Variants in SLC6A18 observed in about 807,000 individuals in gnomAD.
The protein encoded by SLC6A18 is inactive sodium-dependent neutral amino acid transporter B(0)AT3.
Under a neutral mutation model 62.9 loss-of-function variants are expected in SLC6A18, and 58 were observed. That is an observed-to-expected ratio of 0.92 (90% CI 0.75 to 1.15). SLC6A18 has a LOEUF of 1.15. Ranked by LOEUF, SLC6A18 falls within the 50% of genes most tolerant of loss-of-function variation. The probability of loss-of-function intolerance (pLI) is 0.00; values close to 1 mark genes in which losing one functional copy is unlikely to be tolerated. For synonymous variants in SLC6A18, 382 were observed against 365.8 expected (o/e 1.04, Z -0.51); for missense variants, 793 against 836.6 (o/e 0.95, Z 0.64).
chr5:1,233,759 T>TTTTTTTTTTTTTTG, intron 3 of SLC6A18, among the ~76,000 whole-genome samples: 1 of 151,298 alleles, frequency 6.6e-6, no homozygotes. Context: ...ATTTTTTTTT[T>TTTTTTTTTTTTTTG]GAGACGGAGT....
intron 6 of SLC6A18, 52 bp from the exon 7 acceptor site, chr5:1,240,479 G>A: frequency 6.2e-7 from 1 of 1,607,164 alleles, no homozygotes; most frequent in South Asian, 1.1e-5. Flanking sequence ...TCCCCTGGAT[G>A]AGGCCCAGTT....
chr5:1,242,862 A>G lies in SLC6A18; in HGVS notation c.1130A>G (p.Lys377Arg). The change falls in exon 8 of 12, where the codon AAG becomes AGG. Residue 377 changes from lysine (K) to arginine (R), a missense_variant and splice_region_variant. Physicochemically the swap from Lys to Arg is conservative, Grantham distance 26. Coordinates refer to ENST00000324642, the MANE Select transcript of SLC6A18 (RefSeq NM_182632.3). ...TGCCTCCTGGAAGACTTTCTGGATA[A>G]GGTACCTGCACACCCCCTGGGGTAG... ...KACLLEDFLD[K>R]SASGPGLAFV... 1 of 1,607,948 alleles carries G rather than the reference A, an allele frequency of 6.2e-7. No individual in the cohort carries two copies. Among genetic ancestry groups the G allele is most frequent in the Non-Finnish European group, 8.5e-7 (1 of 1,176,570 alleles).
intron 4 of SLC6A18, among the ~76,000 whole-genome samples, chr5:1,237,685 C>T (rs1746920730): frequency 6.6e-6 from 1 of 152,172 alleles, no homozygotes; most frequent in African/African-American, 2.4e-5. Context: ...GCCTGAGTCT[C>T]CCAGACAGCC....
rs779752482 is a variant in SLC6A18, at chr5:1,245,947, G to C, written c.1756G>C (p.Ala586Pro). The C allele has an allele frequency of 1.2e-6, 2 of 1,602,774 alleles. No homozygotes were observed. The highest frequency in any genetic ancestry group is 3.3e-5 in the Admixed American group (2 of 59,926). The part of the protein sequence containing the change: ...LLPVLWVPVA[A>P]LAQLLTRRRR... ...GCCCGTGCTGTGGGTCCCGGTGGCC[G>C]CGCTTGCTCAGCTGCTCACCCGGCG... is the stretch of plus-strand genomic sequence containing the variant. The change falls in exon 12 of 12, where the codon GCG becomes CCG. Residue 586 changes from alanine (A) to proline (P), a missense_variant. By Grantham distance (27) the Ala-to-Pro change is conservative (BLOSUM62 -1). Transcript: ENST00000324642.
chr5:1,235,593 C>A lies in SLC6A18; in HGVS notation c.552C>A (p.Leu184=). The change falls in exon 4 of 12, where the codon CTC becomes CTA. Residue 184 remains leucine (L), a synonymous_variant. Transcript: ENST00000324642. The part of the protein sequence containing the change: ...NDSGSIQWWL[L]ICLAASWAVV... ...GTGGCTCCATCCAGTGGTGGCTGCT[C>A]ATCTGCTTGGCAGCCTCCTGGGCAG... 1.2e-6 allele frequency: 2 copies of A among 1,614,038 alleles called. No individual in the cohort carries two copies. The highest frequency in any genetic ancestry group is 2.2e-5 in the South Asian group (2 of 91,064).
At chr5:1,227,709 T>C (rs1469547219) in intron 1 of SLC6A18, among the ~76,000 whole-genome samples, 1 of 152,254 alleles carries the variant, frequency 6.6e-6, no homozygotes, top group African/African-American at 2.4e-5. Context: ...TAACAGAATG[T>C]AGCAAAACGT....
At chr5:1,233,661 G>A (rs1746796891) in intron 3 of SLC6A18, among the ~76,000 whole-genome samples, 1 of 148,468 alleles carries the variant, frequency 6.7e-6, no homozygotes, top group South Asian at 2.1e-4. Context: ...ATGGCTCACT[G>A]CAACCTCCAA....
Position 1,245,853 on chromosome 5 carries a change from G to T in SLC6A18, c.1662G>T (p.Leu554=). 6.2e-7 allele frequency: 1 copy of T among 1,607,016 alleles called. No individual in the cohort carries two copies. Residue 554 remains leucine (L), a synonymous_variant, in exon 12 of 12, where the codon CTG becomes CTT. Transcript: ENST00000324642. ...RYKAWNPKYE[L]FPSRQEKLYP... ...ATGAGGCTGTGGTCCCGCAGGAGCTGTTCCCCTCGCGTCAGGAGAAGCTCT... is the reference window on the plus strand; with the variant it reads ...ATGAGGCTGTGGTCCCGCAGGAGCTTTTCCCCTCGCGTCAGGAGAAGCTCT...
At position 1,246,001 on chromosome 5, in the gene SLC6A18, C is replaced by T; in HGVS notation, c.1810C>T (p.Arg604Cys). 6.3e-7 allele frequency: 1 copy of T among 1,596,048 alleles called. No individual in the cohort carries two copies. The highest frequency in any genetic ancestry group is 8.5e-7 in the Non-Finnish European group (1 of 1,176,894). Residue 604 changes from arginine to cysteine, a missense_variant, in exon 12 of 12, where the codon CGC (arginine) becomes TGC (cysteine). Physicochemically the swap from Arg to Cys is radical, Grantham distance 180. Transcript: ENST00000324642. ...GCGGACGTGGAGGGACAGGGACGCG[C>T]GCCCAGACACGGACATGCGCCCGGA... ...RRRTWRDRDA[R>C]PDTDMRPDTD...
chr5:1,233,322 A>T (rs1746785792), intron 3 of SLC6A18, among the ~76,000 whole-genome samples: 1 of 152,162 alleles, frequency 6.6e-6, no homozygotes. Flanking sequence ...TACTCAAAAT[A>T]CAAAAATCAG....
chr5:1,237,224 G>C (rs1466842826), intron 4 of SLC6A18, among the ~76,000 whole-genome samples: 1 of 125,106 alleles, frequency 8.0e-6, no homozygotes, highest in Non-Finnish European at 1.6e-5. Context: ...CTGGGCAAGA[G>C]AGCAAGACTC....
chr5:1,228,210 C>T (rs1018592480), intron 1 of SLC6A18, among the ~76,000 whole-genome samples: 25 of 152,252 alleles, frequency 1.6e-4, no homozygotes, highest in African/African-American at 5.3e-4. Context: ...GATTCTTCGG[C>T]GCTCCCTTGG....
In SLC6A18 at chr5:1,243,582, G is replaced by A. The variant is rs147728672; in HGVS notation, c.1159G>A (p.Val387Ile). Residue 387 changes from valine to isoleucine, a missense_variant, in exon 9 of 12, where the codon GTC becomes ATC. Transcript: ENST00000324642. The surrounding 1 kb of genome is among the most constrained non-coding windows in gnomAD (Gnocchi z 6.5). ...TGCCTCGGGCCCGGGCCTGGCCTTC[G>A]TCGTCTTCACGGAGACCGACCTCCA... ...KSASGPGLAF[V>I]VFTETDLHMP... is the part of the protein sequence containing the mutation. 3.0e-5 allele frequency: 48 copies of A among 1,613,698 alleles called. No individual in the cohort carries two copies. The African/African-American group carries it at 3.9e-4, about 13-fold the overall frequency.
intron 1 of SLC6A18, among the ~76,000 whole-genome samples, chr5:1,227,112 GCCGACGCC>G (rs1746603400): frequency 1.4e-5 from 2 of 139,822 alleles, no homozygotes; most frequent in Non-Finnish European, 3.1e-5. Flanking sequence ...CGCCTTGCCC[GCCGACGCC>G]TTGCCCGTCG....
At position 1,244,383 on chromosome 5, in the gene SLC6A18, C is replaced by T. The variant is rs370346818; in HGVS notation, c.1496+10C>T. ...TTTATGGAATGAAACGGTGAGCTGCCGCCCCGCCGAGTGCTCCTCTGGGAC... is the reference window on the plus strand; with the variant it reads ...TTTATGGAATGAAACGGTGAGCTGCTGCCCCGCCGAGTGCTCCTCTGGGAC... On this transcript the variant is annotated intron_variant, in intron 10 of 11. Coordinates refer to ENST00000324642, the MANE Select transcript of SLC6A18 (RefSeq NM_182632.3). 2.1e-5 allele frequency: 34 copies of T among 1,613,480 alleles called. No homozygotes were observed. Among genetic ancestry groups the T allele is most frequent in the Admixed American group, 1.3e-4 (8 of 59,996 alleles).
chr5:1,244,833 T>G (rs1411839965), intron 11 of SLC6A18, 66 bp downstream of exon 11: 3 of 1,499,542 alleles, frequency 2.0e-6, no homozygotes, highest in African/African-American at 1.4e-5. Context: ...GCCCCTACGG[T>G]GCCATCCGGT....
Position 1,242,713 on chromosome 5 carries a change from C to T in SLC6A18, c.981C>T (p.Ile327=). 2 of 1,609,998 alleles carry T rather than the reference C, an allele frequency of 1.2e-6. No individual in the cohort carries two copies. Among genetic ancestry groups the T allele is most frequent in the Non-Finnish European group, 1.7e-6 (2 of 1,177,568 alleles). The change falls in exon 8 of 12, where the codon ATC becomes ATT. Residue 327 remains isoleucine (I), a synonymous_variant. Coordinates refer to ENST00000324642, the MANE Select transcript of SLC6A18 (RefSeq NM_182632.3). ...NDYEHCLDRN[I]LSLINDFDFP... Reference sequence around the variant, plus strand: ...GTCCTCTCTGTCCCCGCAGAAACATCCTCAGCCTCATCAACGACTTTGACT... The same window carrying T: ...GTCCTCTCTGTCCCCGCAGAAACATTCTCAGCCTCATCAACGACTTTGACT...
intron 1 of SLC6A18, among the ~76,000 whole-genome samples, chr5:1,227,997 G>A (rs769675364): frequency 1.9e-4 from 29 of 152,154 alleles, no homozygotes; most frequent in South Asian, 1.2e-3. Flanking sequence ...TGCCTCCGGT[G>A]TTCAACCGAC....
intron 3 of SLC6A18, 102 bp downstream of exon 3, chr5:1,232,990 C>T (rs1746774708): frequency 1.3e-6 from 2 of 1,488,164 alleles, no homozygotes; most frequent in African/African-American, 2.8e-5. Context: ...CGGATGCTCA[C>T]CGCGGGGGGA....
Sources: allele counts gnomAD v4.1 joint callset (sites outside exome capture counted in the v4.1 genomes callset), GRCh38; gene constraint gnomAD v4.1.1; non-coding constraint Gnocchi (gnomAD v3.1); transcripts MANE v1.5; gene names NCBI Gene and HGNC (gene_info 2026-07-23, HGNC 2026-07-21).